GALNT9: variants seen among roughly 807,000 people sequenced by gnomAD.
GALNT9 encodes the protein GalNAc transferase 9.
In GALNT9, 47 loss-of-function variants were observed where a neutral mutation model predicts 63.1. That is an observed-to-expected ratio of 0.75 (90% CI 0.59 to 0.95). GALNT9 has a LOEUF of 0.95. Ranked by LOEUF, GALNT9 falls within the 40% of genes least tolerant of loss-of-function variation. The pLI, the probability that GALNT9 is intolerant of heterozygous loss-of-function variation, is 0.00. For synonymous variants in GALNT9, 396 were observed against 365.7 expected (o/e 1.08, Z -0.94); for missense variants, 829 against 874.8 (o/e 0.95, Z 0.66).
At position 132,279,576 on chromosome 12, in the gene GALNT9, G is replaced by T; in HGVS notation, c.419+6674C>A. ...AGCCCCGGAGTCTGGAGGGTGGAAGGAGTGAGGGGCATCCCCTGTCCCCTC... is the reference window on the plus strand; with the variant it reads ...AGCCCCGGAGTCTGGAGGGTGGAAGTAGTGAGGGGCATCCCCTGTCCCCTC... On this transcript the variant is annotated intron_variant, in intron 2 of 10. Transcript: ENST00000328957. The surrounding 1 kb of genome is among the most constrained non-coding windows in gnomAD (Gnocchi z 4.1). 6.6e-6 allele frequency: 1 copy of T among 152,602 alleles called. No individual in the cohort carries two copies. 9.5% of individuals were successfully genotyped at this position (152,602 alleles called of 1,614,324 possible). A position where few individuals can be genotyped will look rare whatever the true frequency, so the allele number is the denominator to read the frequency against.
At chr12:132,217,535 A>C (rs1337225911) in intron 6 of GALNT9, among the ~76,000 whole-genome samples, 1 of 137,642 alleles carries the variant, frequency 7.3e-6, no homozygotes, top group Admixed American at 7.3e-5. Context: ...CAACCAGCCA[A>C]CCATTCATCC....
chr12:132,223,126 ACACACACCC>A (rs2135521539), intron 6 of GALNT9, among the ~76,000 whole-genome samples: 1 of 52,996 alleles, frequency 1.9e-5, no homozygotes, highest in Non-Finnish European at 3.6e-5. Context: ...CAGACACCCC[ACACACACCC>A]CACACACACA....
intron 6 of GALNT9, among the ~76,000 whole-genome samples, chr12:132,230,501 C>A (rs1877849767): frequency 6.6e-6 from 1 of 152,318 alleles, no homozygotes; most frequent in African/African-American, 2.4e-5. Flanking sequence ...GGCTGGGGAG[C>A]CCTTTAATCC....
At chr12:132,237,326 G>A (rs2136895342) in intron 6 of GALNT9, among the ~76,000 whole-genome samples, 1 of 151,880 alleles carries the variant, frequency 6.6e-6, no homozygotes, top group East Asian at 1.9e-4. Flanking sequence ...GCTCACACCT[G>A]CCCAAACCTG....
chr12:132,320,997 T>C (rs1868760703), intron 1 of GALNT9, among the ~76,000 whole-genome samples: 1 of 152,066 alleles, frequency 6.6e-6, no homozygotes, highest in African/African-American at 2.4e-5. Flanking sequence ...CCACAGTCAG[T>C]GAGGCAGGTG....
rs111205318 is a variant in GALNT9, at chr12:132,217,611, G to T, written c.1078-13921C>A. The stretch of plus-strand genomic sequence containing the variant: ...ACTCATCCATCCATCCATCCATCCA[G>T]CCATCCATCCATCCATTCACCCATC... On this transcript the variant is annotated intron_variant, in intron 6 of 10. Transcript: ENST00000328957. Among the ~76,000 whole-genome samples the T allele has an allele frequency of 2.0e-3, 227 of 114,724 alleles. 1 individual carries two copies. The highest frequency in any genetic ancestry group is 7.6e-3 in the African/African-American group (210 of 27,806). The allele number at this position is 114,724 out of a possible 152,430, so 75.3% of individuals were successfully genotyped here.
intron 6 of GALNT9, among the ~76,000 whole-genome samples, chr12:132,229,089 C>T (rs1049895117): frequency 2.6e-5 from 4 of 152,170 alleles, no homozygotes; most frequent in South Asian, 4.1e-4. Flanking sequence ...CAGGGGGCCG[C>T]CCTCCCCTGG....
At position 132,327,882 on chromosome 12, in the gene GALNT9, C is replaced by T. The variant is rs1869105625; in HGVS notation, c.238+1084G>A. ...GTGGCTCCTGAAGGAAACGCAAGAC[C>T]ACCCCCCGCCTTTGCCCCCACACAC... On this transcript the variant is annotated intron_variant, in intron 1 of 10. Transcript: ENST00000328957. This position sits in a 1 kb window ranked among gnomAD's most constrained non-coding sequence, Gnocchi z 4.3. 6.6e-6 allele frequency among the ~76,000 whole-genome samples: 1 copy of T among 151,556 alleles called. No individual in the cohort carries two copies. The highest frequency in any genetic ancestry group is 1.5e-5 in the Non-Finnish European group (1 of 67,898).
intron 2 of GALNT9, chr12:132,275,430 G>C (rs1880044688): frequency 6.6e-6 from 1 of 152,310 alleles, no homozygotes; most frequent in East Asian, 1.9e-4. Context: ...TGCAGACAGT[G>C]GAGGCTCAGG....
intron 5 of GALNT9, among the ~76,000 whole-genome samples, chr12:132,255,726 G>C (rs782791595): frequency 1.3e-5 from 2 of 152,234 alleles, no homozygotes; most frequent in African/African-American, 4.8e-5. Flanking sequence ...GTGCACACCT[G>C]ACATGTGTGC....
rs778067320 is a variant in GALNT9, at chr12:132,199,275, A to G, written c.1402-6T>C. The G allele has an allele frequency of 2.5e-6, 4 of 1,595,252 alleles. No individual in the cohort carries two copies. Among genetic ancestry groups the G allele is most frequent in the Non-Finnish European group, 3.4e-6 (4 of 1,171,978 alleles). On this transcript the variant is annotated splice_region_variant and splice_polypyrimidine_tract_variant and intron_variant, in intron 8 of 10. Coordinates refer to ENST00000328957, the MANE Select transcript of GALNT9 (RefSeq NM_001122636.2). ...CTGGCTTTGCTGTTTCTCACCTGCA[A>G]GCAGAAGCCCCAGGAGAAAGTCCAG... is the stretch of plus-strand genomic sequence containing the variant.
chr12:132,284,010 G>A (rs1202568824), intron 2 of GALNT9: 2 of 152,260 alleles, frequency 1.3e-5, no homozygotes, highest in East Asian at 1.9e-4. Flanking sequence ...GGCTAGCCCT[G>A]AGAGCAAACA....
intron 6 of GALNT9, among the ~76,000 whole-genome samples, chr12:132,241,042 AG>A (rs66626255): frequency 7.3e-5 from 1 of 13,654 alleles, no homozygotes; most frequent in African/African-American, 2.6e-4. Context: ...ACACCCTTCC[AG>A]GGGCCCTCCC....
At chr12:132,261,535 C>T (rs1373613151) in intron 3 of GALNT9, among the ~76,000 whole-genome samples, 7 of 152,228 alleles carry the variant, frequency 4.6e-5, no homozygotes, top group African/African-American at 1.7e-4. Flanking sequence ...GGTAGCCGAG[C>T]TGGACTGGAT....
At chr12:132,258,647 C>T (rs1855987815) in intron 4 of GALNT9, among the ~76,000 whole-genome samples, 1 of 152,236 alleles carries the variant, frequency 6.6e-6, no homozygotes, top group South Asian at 2.1e-4. Context: ...GCCTGCAGGG[C>T]TGGCCAGGAG....
At chr12:132,217,611 GCCAT>G (rs539555287) in intron 6 of GALNT9, among the ~76,000 whole-genome samples, 5,858 of 114,744 alleles carry the variant, frequency 0.051, 141 homozygotes, top group Middle Eastern at 0.14. Flanking sequence ...CATCCATCCA[GCCAT>G]CCATCCATCC....
At chr12:132,323,617 G>T (rs1204135476) in intron 1 of GALNT9, among the ~76,000 whole-genome samples, 2 of 152,222 alleles carry the variant, frequency 1.3e-5, no homozygotes, top group Non-Finnish European at 2.9e-5. Context: ...GTTCATCTCA[G>T]CCAGGAAATG....
intron 10 of GALNT9, 29 bp from the exon 11 acceptor site, chr12:132,197,282 A>G (rs1280496561): frequency 6.2e-7 from 1 of 1,606,298 alleles, no homozygotes; most frequent in South Asian, 1.1e-5. Context: ...CAAGTCAGCC[A>G]GGTGCAGGCG....
chr12:132,206,646 C>A (rs1202225313), intron 6 of GALNT9, among the ~76,000 whole-genome samples: 76 of 135,688 alleles, frequency 5.6e-4, no homozygotes, highest in South Asian at 7.2e-4. Context: ...GACTCCGTCT[C>A]AAAAAAAAAA....
Sources: gnomAD v4.1 joint callset for allele counts (sites outside exome capture counted in the v4.1 genomes callset) on GRCh38, gnomAD v4.1.1 for gene constraint, Gnocchi (gnomAD v3.1) non-coding constraint, MANE v1.5 for transcripts, NCBI Gene and HGNC (gene_info 2026-07-23, HGNC 2026-07-21) for gene names.